The following RNF2 variants were observed in gnomAD, a reference collection of about 807,000 sequenced individuals.
RNF2 encodes ring finger protein 2, also known as E3 ubiquitin-protein ligase RING2.
In RNF2, 6 loss-of-function variants were observed where a neutral mutation model predicts 37.2. The observed-to-expected ratio is 0.16, with a 90% CI of 0.09 to 0.32. RNF2 has a LOEUF of 0.32. Ranked by LOEUF, RNF2 falls within the 10% of genes least tolerant of loss-of-function variation. The probability of loss-of-function intolerance (pLI) is 1.00; values close to 1 mark genes in which losing one functional copy is unlikely to be tolerated. For missense variants in RNF2, 251 were observed against 404.0 expected, an observed-to-expected ratio of 0.62 and a Z score of 3.25; for synonymous variants, 133 against 132.7, an observed-to-expected ratio of 1.00 and a Z score of -0.02.
chr1:185,071,267 G>A (rs928327008), intron 1 of RNF2, among the ~76,000 whole-genome samples: 1 of 152,174 alleles, frequency 6.6e-6, no homozygotes, highest in Non-Finnish European at 1.5e-5. Context: ...GTGAAGATAA[G>A]CTGGTAATTG....
At chr1:185,079,905 G>C (rs1294644637) in intron 1 of RNF2, among the ~76,000 whole-genome samples, 1 of 152,000 alleles carries the variant, frequency 6.6e-6, no homozygotes, top group Non-Finnish European at 1.5e-5. Context: ...ACTCTAGCCT[G>C]GGCAACAAGA....
chr1:185,069,719 G>A (rs367648508), intron 1 of RNF2, among the ~76,000 whole-genome samples: 2 of 152,014 alleles, frequency 1.3e-5, no homozygotes, highest in South Asian at 2.1e-4. Context: ...TAGGGAGGAG[G>A]GTAATCCAAG....
rs147029594 is a variant in RNF2, at chr1:185,095,653, G to A, written c.464+2377G>A. On this transcript the variant is annotated intron_variant, in intron 4 of 6. Coordinates refer to ENST00000367510, the MANE Select transcript of RNF2 (RefSeq NM_007212.4). ...CCATGCTTGGCTTAAAGTAGTAGCT[G>A]CTCAGTAAATATTTATCTATGTGTG... Among the ~76,000 whole-genome samples the A allele has an allele frequency of 4.6e-5, 7 of 152,266 alleles. No homozygotes were observed. The East Asian group carries it at 1.4e-3, about 29-fold the overall frequency.
At position 185,101,662 on chromosome 1, in the gene RNF2, A is replaced by T. The variant is rs936649554; in HGVS notation, c.*1361A>T. On this transcript the variant is annotated 3_prime_UTR_variant, in exon 7 of 7. Coordinates refer to ENST00000367510, the MANE Select transcript of RNF2 (RefSeq NM_007212.4). The stretch of plus-strand genomic sequence containing the variant: ...GGTTTTCAATAGGGTGTAGACCTCC[A>T]GTACCTTTGTAACTAAAGTCTGTCT... 6.6e-6 allele frequency: 1 copy of T among 152,066 alleles called. No homozygotes were observed. The highest frequency in any genetic ancestry group is 2.4e-5 in the African/African-American group (1 of 41,338). The allele number at this position is 152,066 out of a possible 1,614,324, so 9.4% of individuals were successfully genotyped here.
chr1:185,056,895 A>T (rs534051365), intron 1 of RNF2, among the ~76,000 whole-genome samples: 4 of 152,312 alleles, frequency 2.6e-5, no homozygotes. Flanking sequence ...TGCTTTTGGT[A>T]CTTAATCAGT....
Position 185,087,540 on chromosome 1 carries a change from C to G in RNF2, c.-2-12C>G. The G allele has an allele frequency of 1.9e-6, 3 of 1,612,832 alleles. No individual in the cohort carries two copies. The highest frequency in any genetic ancestry group is 1.7e-6 in the Non-Finnish European group (2 of 1,178,900). ...AATACTAAAATTGTTTTTCTCTCTT[C>G]TTTATTTCCAGCAATGTCTCAGGCT... On this transcript the variant is annotated splice_polypyrimidine_tract_variant and intron_variant, in intron 1 of 6. Coordinates refer to ENST00000367510, the MANE Select transcript of RNF2 (RefSeq NM_007212.4).
In RNF2 at chr1:185,098,342, G is replaced by A. The variant is rs1245479446; in HGVS notation, c.735G>A (p.Thr245=). ...TGGAAAAAGATGACAGTGCACAGAC[G>A]AGGTAAGTGTGTGGATTAGTTTCAG... ...TLMEKDDSAQ[T]RYIKTSGNAT... Residue 245 remains threonine (T), a splice_region_variant and synonymous_variant, in exon 5 of 7, where the codon ACG becomes ACA. Transcript: ENST00000367510. 20 of 1,612,454 alleles carry A rather than the reference G, an allele frequency of 1.2e-5. No homozygotes were observed. Among genetic ancestry groups the A allele is most frequent in the East Asian group, 4.5e-5 (2 of 44,870 alleles).
intron 1 of RNF2, among the ~76,000 whole-genome samples, chr1:185,061,508 G>A (rs960324993): frequency 2.2e-4 from 34 of 152,202 alleles, no homozygotes; most frequent in Middle Eastern, 3.4e-3. Context: ...AGAGGAAAAC[G>A]ATAGCTAGCT....
intron 6 of RNF2, 72 bp from the exon 7 acceptor site, chr1:185,100,128 C>A: frequency 7.7e-7 from 1 of 1,298,634 alleles, no homozygotes; most frequent in South Asian, 1.4e-5. Context: ...TGTGGACTTC[C>A]ATTTTAGTTT....
intron 1 of RNF2, among the ~76,000 whole-genome samples, chr1:185,050,887 C>T (rs990558773): frequency 6.6e-6 from 1 of 152,216 alleles, no homozygotes; most frequent in African/African-American, 2.4e-5. Context: ...TGTTCTCAAT[C>T]TCAAGGTATT....
At chr1:185,082,676 C>T (rs759783174) in intron 1 of RNF2, among the ~76,000 whole-genome samples, 44 of 152,058 alleles carry the variant, frequency 2.9e-4, no homozygotes, top group African/African-American at 1.0e-3. Context: ...TTTCTTGGAC[C>T]ACCACTGCCC....
intron 1 of RNF2, 76 bp from the exon 2 acceptor site, chr1:185,087,476 G>T: frequency 8.2e-7 from 1 of 1,214,932 alleles, no homozygotes; most frequent in Non-Finnish European, 1.2e-6. Flanking sequence ...AGGAATTTTG[G>T]TGGGACACAT....
intron 1 of RNF2, among the ~76,000 whole-genome samples, chr1:185,059,554 AT>A (rs1395630681): frequency 3.9e-5 from 6 of 152,210 alleles, no homozygotes; most frequent in Non-Finnish European, 7.3e-5. Flanking sequence ...ATTAATTGTT[AT>A]ATTTAACGAC....
chr1:185,063,678 G>A (rs557017438), intron 1 of RNF2, among the ~76,000 whole-genome samples: 7 of 152,248 alleles, frequency 4.6e-5, no homozygotes, highest in Admixed American at 2.0e-4. Context: ...TGAGTCTTAC[G>A]GGATTGAAAT....
intron 1 of RNF2, among the ~76,000 whole-genome samples, chr1:185,066,045 A>G (rs1448381966): frequency 6.7e-6 from 1 of 149,502 alleles, no homozygotes; most frequent in African/African-American, 2.5e-5. Flanking sequence ...TATCCCATGT[A>G]TTGTTATTTT....
intron 1 of RNF2, among the ~76,000 whole-genome samples, chr1:185,067,590 AAGAG>A (rs1031609096): frequency 2.6e-5 from 4 of 152,204 alleles, no homozygotes; most frequent in African/African-American, 9.7e-5. Context: ...ATCTCATTAA[AAGAG>A]AGAGAAGGCA....
In RNF2 at chr1:185,048,440, T is replaced by C. The variant is rs145448541; in HGVS notation, c.-3+2791T>C. On this transcript the variant is annotated intron_variant, in intron 1 of 6. Coordinates refer to ENST00000367510, the MANE Select transcript of RNF2 (RefSeq NM_007212.4). ...AATTCTAAGATTTCTATTGCTTAAATTTACTTCTCCCATTTCATTTTGAGA... is the reference window on the plus strand; with the variant it reads ...AATTCTAAGATTTCTATTGCTTAAACTTACTTCTCCCATTTCATTTTGAGA... Among the ~76,000 whole-genome samples, 1,025 of 152,300 alleles carry C rather than the reference T, an allele frequency of 6.7e-3. 16 individuals carry two copies. Among genetic ancestry groups the C allele is most frequent in the African/African-American group, 0.023 (956 of 41,562 alleles).
At chr1:185,049,836 C>CAA (rs912359495) in intron 1 of RNF2, among the ~76,000 whole-genome samples, 1 of 152,132 alleles carries the variant, frequency 6.6e-6, no homozygotes, top group African/African-American at 2.4e-5. Context: ...GGGAGAACCA[C>CAA]AAAAACCTGG....
chr1:185,046,064 G>C (rs1300120863), intron 1 of RNF2: 1 of 152,168 alleles, frequency 6.6e-6, no homozygotes, highest in East Asian at 1.9e-4. Flanking sequence ...TGGAATGCGA[G>C]TTTTTTCTCT....
Sources: allele counts gnomAD v4.1 joint callset (sites outside exome capture counted in the v4.1 genomes callset), GRCh38; gene constraint gnomAD v4.1.1; transcripts MANE v1.5; gene names NCBI Gene and HGNC (gene_info 2026-07-23, HGNC 2026-07-21).